Variants in GSE1 observed in about 807,000 individuals in gnomAD.
GSE1 encodes Gse1 coiled-coil protein.
A neutral mutation model predicts 112.6 loss-of-function variants in GSE1; 32 were observed. That is an observed-to-expected ratio of 0.28 (90% CI 0.21 to 0.38). The LOEUF (loss-of-function observed/expected upper bound fraction) is 0.38. GSE1 is among the 10% of genes least tolerant of loss of function. The pLI is 1.00. For synonymous variants in GSE1, 1,115 were observed against 735.6 expected (o/e 1.52, Z -8.35); for missense variants, 2,348 against 1,699.2 (o/e 1.38, Z -6.71).
At chr16:85,409,245 C>G (rs2048417636) in intron 2 of GSE1, among the ~76,000 whole-genome samples, 1 of 45,008 alleles carries the variant, frequency 2.2e-5, no homozygotes, top group African/African-American at 1.2e-4. Flanking sequence ...TCTCAGGCCC[C>G]CCGGATAATC....
At chr16:85,278,295 A>G (rs1909574970) in intron 1 of GSE1, among the ~76,000 whole-genome samples, 1 of 152,196 alleles carries the variant, frequency 6.6e-6, no homozygotes, top group African/African-American at 2.4e-5. Flanking sequence ...GTGAGGCCAC[A>G]CTGGCGGGAG....
At chr16:85,225,559 C>T (rs370412938) in intron 1 of GSE1, among the ~76,000 whole-genome samples, 14 of 152,196 alleles carry the variant, frequency 9.2e-5, no homozygotes, top group African/African-American at 2.7e-4. Flanking sequence ...CCCTGTCCCT[C>T]CGCTGCCGGG....
intron 1 of GSE1, among the ~76,000 whole-genome samples, chr16:85,273,559 G>A (rs1010504671): frequency 1.1e-5 from 1 of 92,868 alleles, no homozygotes; most frequent in Admixed American, 1.2e-4. Flanking sequence ...AGTCTGCAGA[G>A]GCCACAGTGT....
At chr16:85,636,740 G>A (rs115826627) in intron 2 of GSE1, among the ~76,000 whole-genome samples, 2,304 of 152,300 alleles carry the variant, frequency 0.015, 52 homozygotes, top group African/African-American at 0.052. Flanking sequence ...TGGTGGTCCC[G>A]GCGGTCCCTG....
intron 2 of GSE1, among the ~76,000 whole-genome samples, chr16:85,434,337 A>G (rs1228674617): frequency 7.9e-6 from 1 of 126,084 alleles, no homozygotes; most frequent in East Asian, 2.6e-4. Flanking sequence ...AATAATAATA[A>G]TAATAATAAT....
At chr16:85,635,765 T>C (rs1354189820) in intron 2 of GSE1, among the ~76,000 whole-genome samples, 9 of 152,200 alleles carry the variant, frequency 5.9e-5, no homozygotes, top group Middle Eastern at 3.2e-3. Context: ...CCTGCTTTCA[T>C]CCAGCAGCTG....
chr16:85,550,657 C>T (rs2044874970), intron 2 of GSE1, among the ~76,000 whole-genome samples: 1 of 152,220 alleles, frequency 6.6e-6, no homozygotes, highest in Non-Finnish European at 1.5e-5. Context: ...GCCGCCTGCA[C>T]TCCAGACCCC....
chr16:85,573,568 C>A (rs2046099016), intron 1 of GSE1, among the ~76,000 whole-genome samples: 1 of 152,182 alleles, frequency 6.6e-6, no homozygotes, highest in South Asian at 2.1e-4. Context: ...GTTTTCCCAG[C>A]TGTGAAGTGG....
intron 2 of GSE1, among the ~76,000 whole-genome samples, chr16:85,541,289 G>A (rs1285416862): frequency 2.0e-5 from 3 of 152,204 alleles, no homozygotes; most frequent in Admixed American, 1.3e-4. Context: ...GGGGGTGACC[G>A]AGACACAGTC....
chr16:85,499,295 CTTTTTTTTTTTTTTTTTTTTT>C (rs568776401), intron 2 of GSE1, among the ~76,000 whole-genome samples: 2 of 77,194 alleles, frequency 2.6e-5, no homozygotes, highest in African/African-American at 1.0e-4. Context: ...GGAAAGTCAC[CTTTTTTTTTTTTTTTTTTTTT>C]TTTTTTTTTT....
chr16:85,397,211 A>C (rs964135710), intron 2 of GSE1, among the ~76,000 whole-genome samples: 1 of 152,194 alleles, frequency 6.6e-6, no homozygotes, highest in African/African-American at 2.4e-5. Flanking sequence ...CCCCCTGGCA[A>C]AGCAGACACT....
Position 85,642,233 on chromosome 16 carries a change from C to T in GSE1, c.227-6319C>T, listed in dbSNP as rs138522963. ...GGCTGAGGTGGGAGGATCACTTGAG[C>T]CCTGGAGGTTGAGGCTGCAGTGAGG... On this transcript the variant is annotated intron_variant, in intron 2 of 15. Transcript: ENST00000253458. 1.6e-4 allele frequency among the ~76,000 whole-genome samples: 25 copies of T among 152,366 alleles called. 1 individual carries two copies. The East Asian group carries it at 4.8e-3, about 29-fold the overall frequency.
At chr16:85,170,206 T>C in exon 1 of GSE1, 11 of 984,920 alleles carry the variant, frequency 1.1e-5, no homozygotes, top group Non-Finnish European at 1.2e-5. Context: ...CGCAGAGGCC[T>C]CGGCGCAGGG....
At chr16:85,645,950 C>G (rs974446701) in intron 2 of GSE1, among the ~76,000 whole-genome samples, 1 of 151,262 alleles carries the variant, frequency 6.6e-6, no homozygotes, top group Non-Finnish European at 1.5e-5. Context: ...ACGCATTCTA[C>G]CTGCTTCTAC....
intron 1 of GSE1, among the ~76,000 whole-genome samples, chr16:85,174,692 A>T (rs540253723): frequency 6.6e-6 from 1 of 152,204 alleles, no homozygotes; most frequent in South Asian, 2.1e-4. Flanking sequence ...CCAGCAGAGC[A>T]AAGTGCCGAG....
chr16:85,418,481 C>T (rs1368592958), intron 2 of GSE1, among the ~76,000 whole-genome samples: 1 of 152,186 alleles, frequency 6.6e-6, no homozygotes, highest in Non-Finnish European at 1.5e-5. Flanking sequence ...TAGCACAAGC[C>T]CCGCCTCCTC....
At chr16:85,205,906 G>C (rs1391408387) in intron 1 of GSE1, among the ~76,000 whole-genome samples, 2 of 152,232 alleles carry the variant, frequency 1.3e-5, no homozygotes, top group South Asian at 2.1e-4. Context: ...GCCGTCACGT[G>C]CCTGCAAGAC....
At chr16:85,661,020 G>T in intron 8 of GSE1, 126 bp from the exon 9 acceptor site, 1 of 784,624 alleles carries the variant, frequency 1.3e-6, no homozygotes. Flanking sequence ...CTGCAGCCCT[G>T]TTGGCACTGG....
intron 2 of GSE1, among the ~76,000 whole-genome samples, chr16:85,400,434 C>G (rs1006565132): frequency 2.5e-4 from 38 of 151,252 alleles, no homozygotes; most frequent in Admixed American, 7.2e-4. Flanking sequence ...GTGTGTGTCT[C>G]TGCATGTGGT....
Sources: allele counts gnomAD v4.1 joint callset (sites outside exome capture counted in the v4.1 genomes callset), GRCh38; gene constraint gnomAD v4.1.1; transcripts MANE v1.5; gene names NCBI Gene and HGNC (gene_info 2026-07-23, HGNC 2026-07-21).